Variants in FLRT2 observed in about 807,000 individuals in gnomAD.
FLRT2 encodes the protein fibronectin leucine rich transmembrane protein 2.
A neutral mutation model predicts 40.0 loss-of-function variants in FLRT2; 15 were observed. That is an observed-to-expected ratio of 0.38 (90% CI 0.25 to 0.58). FLRT2 has a LOEUF of 0.58. Ranked by LOEUF, FLRT2 falls within the 20% of genes least tolerant of loss-of-function variation. The pLI is 0.71. For synonymous variants in FLRT2, 380 were observed against 336.8 expected (o/e 1.13, Z -1.41); for missense variants, 726 against 840.0 (o/e 0.86, Z 1.68).
At chr14:85,599,206 C>T (rs1044879225) in intron 1 of FLRT2, among the ~76,000 whole-genome samples, 14 of 136,874 alleles carry the variant, frequency 1.0e-4, no homozygotes, top group African/African-American at 3.9e-4. Flanking sequence ...AGGCGTGAGC[C>T]GCTGCGCCTG....
At chr14:85,533,522 G>C (rs760174913) in intron 1 of FLRT2, among the ~76,000 whole-genome samples, 2 of 152,108 alleles carry the variant, frequency 1.3e-5, no homozygotes, top group South Asian at 2.1e-4. Context: ...CTCCAAATCC[G>C]AGGAGCTCCG....
intron 1 of FLRT2, among the ~76,000 whole-genome samples, chr14:85,570,272 A>AT (rs1171566330): frequency 6.6e-6 from 1 of 152,206 alleles, no homozygotes; most frequent in East Asian, 1.9e-4. Flanking sequence ...CTATGTGAGG[A>AT]TATTGTAAAT....
chr14:85,543,664 T>G (rs146442575), intron 1 of FLRT2, among the ~76,000 whole-genome samples: 2 of 152,300 alleles, frequency 1.3e-5, no homozygotes, highest in East Asian at 3.9e-4. Context: ...GACCTCATTG[T>G]TCAGCACCCA....
At chr14:85,535,471 G>A (rs375979209) in intron 1 of FLRT2, among the ~76,000 whole-genome samples, 23 of 152,158 alleles carry the variant, frequency 1.5e-4, no homozygotes, top group African/African-American at 5.5e-4. Context: ...TGAAGTGTTA[G>A]AACTAGATTC....
intron 1 of FLRT2, among the ~76,000 whole-genome samples, chr14:85,557,158 G>C (rs1890017102): frequency 6.6e-6 from 1 of 152,038 alleles, no homozygotes; most frequent in Non-Finnish European, 1.5e-5. Context: ...TGGGGACACA[G>C]AGTCAAACCA....
intron 1 of FLRT2, among the ~76,000 whole-genome samples, chr14:85,547,325 C>CTT (rs57883277): frequency 2.2e-5 from 3 of 139,336 alleles, no homozygotes; most frequent in East Asian, 2.1e-4. Context: ...TTCTTTCTTT[C>CTT]TTTTTTTTTT....
At chr14:85,589,158 T>C (rs1189620485) in intron 1 of FLRT2, among the ~76,000 whole-genome samples, 1 of 152,248 alleles carries the variant, frequency 6.6e-6, no homozygotes, top group Non-Finnish European at 1.5e-5. Context: ...ATATGGTAGC[T>C]TAATTTTTAG....
chr14:85,546,022 T>G (rs1889261176), intron 1 of FLRT2, among the ~76,000 whole-genome samples: 1 of 152,174 alleles, frequency 6.6e-6, no homozygotes, highest in African/African-American at 2.4e-5. Context: ...CGGTAAGCTT[T>G]TATTGGGTGA....
intron 1 of FLRT2, among the ~76,000 whole-genome samples, chr14:85,603,060 T>A (rs200970678): frequency 2.0e-5 from 3 of 152,318 alleles, no homozygotes; most frequent in East Asian, 3.9e-4. Flanking sequence ...TTAAATAGGA[T>A]CTTTCTCTTT....
intron 1 of FLRT2, among the ~76,000 whole-genome samples, chr14:85,572,381 T>C (rs1173241364): frequency 6.6e-6 from 1 of 152,244 alleles, no homozygotes; most frequent in Non-Finnish European, 1.5e-5. Flanking sequence ...TGTTCTTTTG[T>C]AGTTGTTATT....
At chr14:85,605,384 C>T (rs946261959) in intron 1 of FLRT2, among the ~76,000 whole-genome samples, 1 of 152,192 alleles carries the variant, frequency 6.6e-6, no homozygotes, top group African/African-American at 2.4e-5. Flanking sequence ...CCATGATATA[C>T]ATTTGAAAAC....
At position 85,535,366 on chromosome 14, in the gene FLRT2, AC is replaced by A. The variant is rs1378993378; in HGVS notation, c.-377+4833del. ...AAAAGCCCCCCCCCAAAAAAAAAAA[AC>A]AACAACATTTTGAGGTAAATAGAAT... On this transcript the variant is annotated intron_variant, in intron 1 of 1. Transcript: ENST00000330753. Among the ~76,000 whole-genome samples, 516 of 144,178 alleles carry A rather than the reference AC, an allele frequency of 3.6e-3. 4 individuals are homozygous for A. The highest frequency in any genetic ancestry group is 0.013 in the African/African-American group (487 of 38,382). The allele number at this position is 144,178 out of a possible 152,430, so 94.6% of individuals were successfully genotyped here.
rs1274889388 is a variant in FLRT2 at position 85,632,890 on chromosome 14, A to G, written c.*9393A>G. 6.6e-6 allele frequency: 1 copy of G among 152,266 alleles called. No individual in the cohort carries two copies. Among genetic ancestry groups the G allele is most frequent in the Non-Finnish European group, 1.5e-5 (1 of 68,048 alleles). The allele number at this position is 152,266 out of a possible 1,614,324, so 9.4% of individuals were successfully genotyped here. A position where few individuals can be genotyped will look rare whatever the true frequency, so the allele number is the denominator to read the frequency against. ...CAATAACTTGCACTTTAGGGTTATC[A>G]GTGTACTTTTCCTAAAATGGGGACA... On this transcript the variant is annotated 3_prime_UTR_variant, in exon 2 of 2. Coordinates refer to ENST00000330753, the MANE Select transcript of FLRT2 (RefSeq NM_013231.6).
Position 85,643,326 on chromosome 14 carries a change from T to TTC in FLRT2, c.*19829_*19830insTC, listed in dbSNP as rs1894203354. On this transcript the variant is annotated 3_prime_UTR_variant, in exon 2 of 2. Transcript: ENST00000330753. ...TTCTTTCTTTCTTTCTTTCTTTCTTTCTTTCTTTCTTTCTTTCTTTCTTTC... is the reference window on the plus strand; with the variant it reads ...TTCTTTCTTTCTTTCTTTCTTTCTTTTCCTTTCTTTCTTTCTTTCTTTCTTTC... 2 of 114,004 alleles carry TTC rather than the reference T, an allele frequency of 1.8e-5. No individual in the cohort carries two copies. The highest frequency in any genetic ancestry group is 7.5e-5 in the African/African-American group (2 of 26,702). 7.1% of individuals were successfully genotyped at this position (114,004 alleles called of 1,614,324 possible). A position where few individuals can be genotyped will look rare whatever the true frequency, so the allele number is the denominator to read the frequency against.
At chr14:85,541,353 C>CTTT (rs1888975496) in intron 1 of FLRT2, among the ~76,000 whole-genome samples, 1 of 152,110 alleles carries the variant, frequency 6.6e-6, no homozygotes, top group Non-Finnish European at 1.5e-5. Flanking sequence ...GATCCCTCCA[C>CTTT]TTGAGGCCAG....
At position 85,634,000 on chromosome 14, in the gene FLRT2, C is replaced by T. The variant is rs1454188818; in HGVS notation, c.*10503C>T. 1 of 152,066 alleles carries T rather than the reference C, an allele frequency of 6.6e-6. No individual in the cohort carries two copies. The highest frequency in any genetic ancestry group is 1.9e-4 in the East Asian group (1 of 5,194). 9.4% of individuals were successfully genotyped at this position (152,066 alleles called of 1,614,324 possible). ...CAATGCAGGTGCAATAGTCTACCACCTGTCATGTGGTTACTTTTTGCAATC... is the reference window on the plus strand; with the variant it reads ...CAATGCAGGTGCAATAGTCTACCACTTGTCATGTGGTTACTTTTTGCAATC... On this transcript the variant is annotated 3_prime_UTR_variant, in exon 2 of 2. Coordinates refer to ENST00000330753, the MANE Select transcript of FLRT2 (RefSeq NM_013231.6).
intron 1 of FLRT2, among the ~76,000 whole-genome samples, chr14:85,586,466 A>G (rs1891621081): frequency 6.6e-6 from 1 of 152,192 alleles, no homozygotes; most frequent in African/African-American, 2.4e-5. Context: ...CATTGTGCCT[A>G]TAGTTGAGAG....
chr14:85,534,901 C>A (rs1195780568), intron 1 of FLRT2, among the ~76,000 whole-genome samples: 1 of 147,658 alleles, frequency 6.8e-6, no homozygotes, highest in African/African-American at 2.5e-5. Flanking sequence ...TTGCTGCTAT[C>A]TTTATTATGA....
At position 85,638,098 on chromosome 14, in the gene FLRT2, A is replaced by C. The variant is rs561295013; in HGVS notation, c.*14601A>C. 14 of 152,274 alleles carry C rather than the reference A, an allele frequency of 9.2e-5. No individual in the cohort carries two copies. Among genetic ancestry groups the C allele is most frequent in the African/African-American group, 3.4e-4 (14 of 41,546 alleles). The allele number at this position is 152,274 out of a possible 1,614,324, so 9.4% of individuals were successfully genotyped here. Reference sequence around the variant, plus strand: ...TAGGTGACTTATTCTAAATGTAACAATTACCGGTAGAGAATGGGATAAAGG... The same window carrying C: ...TAGGTGACTTATTCTAAATGTAACACTTACCGGTAGAGAATGGGATAAAGG... On this transcript the variant is annotated 3_prime_UTR_variant, in exon 2 of 2. Coordinates refer to ENST00000330753, the MANE Select transcript of FLRT2 (RefSeq NM_013231.6).
Sources: gnomAD v4.1 joint callset for allele counts (sites outside exome capture counted in the v4.1 genomes callset) on GRCh38, gnomAD v4.1.1 for gene constraint, MANE v1.5 for transcripts, NCBI Gene and HGNC (gene_info 2026-07-23, HGNC 2026-07-21) for gene names.